Variants in CSF1R observed in about 807,000 individuals in gnomAD.
CSF1R encodes the protein colony stimulating factor 1 receptor, also known as macrophage colony-stimulating factor 1 receptor.
In CSF1R, 40 loss-of-function variants were observed where a neutral mutation model predicts 110.0. The observed-to-expected ratio is 0.36, with a 90% confidence interval of 0.28 to 0.47. CSF1R has a LOEUF of 0.47. Ranked by LOEUF, CSF1R falls within the 20% of genes least tolerant of loss-of-function variation. The pLI is 0.99. For synonymous variants in CSF1R, 523 were observed against 503.4 expected (o/e 1.04, Z -0.52); for missense variants, 1,052 against 1,253.0 (o/e 0.84, Z 2.42).
In CSF1R at chr5:150,073,460, T is replaced by G; in HGVS notation, c.923A>C (p.Asn308Thr). The stretch of plus-strand genomic sequence containing the variant: ...CCCCACGGTCACCTCCTGGATGAGG[T>G]TCTGCTCAGAGCTCAAGTTCAAGTA... ...SAYLNLSSEQ[N>T]LIQEVTVGEG... Residue 308 changes from asparagine to threonine, a missense_variant, in exon 6 of 21, where the codon AAC becomes ACC. Coordinates refer to ENST00000675795, the MANE Select transcript of CSF1R (RefSeq NM_001288705.3). 1.9e-6 allele frequency: 3 copies of G among 1,613,900 alleles called. No homozygotes were observed. Among genetic ancestry groups the G allele is most frequent in the Non-Finnish European group, 2.5e-6 (3 of 1,179,940 alleles).
chr5:150,066,598 G>A (rs909231538), intron 10 of CSF1R, among the ~76,000 whole-genome samples: 5 of 152,198 alleles, frequency 3.3e-5, no homozygotes, highest in East Asian at 1.9e-4. Flanking sequence ...GGTATTGACC[G>A]GGGCTGCCCT....
At position 150,060,958 on chromosome 5, in the gene CSF1R, C is replaced by G; in HGVS notation, c.1873G>C (p.Asp625His). Residue 625 changes from aspartate (D) to histidine (H), a missense_variant, in exon 13 of 21, where the codon GAT becomes CAT. Asp to His is a moderately conservative substitution (Grantham distance 81). This residue lies in a region of CSF1R where 76 missense variants were observed against 133.6 expected (regional missense o/e 0.57). Coordinates refer to ENST00000675795, the MANE Select transcript of CSF1R (RefSeq NM_001288705.3). Reference protein sequence around the residue: ...VKMLKSTAHADEKEALMSELK... With the variant: ...VKMLKSTAHAHEKEALMSELK... ...TCGGACATGAGGGCCTCCTTCTCAT[C>G]AGCATGGGCCGTGGCTGGGAGGAAG... 1 of 1,602,354 alleles carries G rather than the reference C, an allele frequency of 6.2e-7. No homozygotes were observed.
At position 150,061,812 on chromosome 5, in the gene CSF1R, C is replaced by T. The variant is rs2113792944; in HGVS notation, c.1664G>A (p.Ser555Asn). 6.2e-7 allele frequency: 1 copy of T among 1,614,220 alleles called. No homozygotes were observed. Among genetic ancestry groups the T allele is most frequent in the Non-Finnish European group, 8.5e-7 (1 of 1,180,036 alleles). Residue 555 changes from serine to asparagine, a missense_variant, in exon 11 of 21, where the codon AGC (serine) becomes AAC (asparagine). Transcript: ENST00000675795. ...GAAAGTATAACTGTTGCCCTCATAG[C>T]TCTCGATGATCTTCCAGCGGACCTG... is the stretch of plus-strand genomic sequence containing the variant. ...KYQVRWKIIE[S>N]YEGNSYTFID...
chr5:150,100,728 C>A (rs1313271630), intron 1 of CSF1R, among the ~76,000 whole-genome samples: 1 of 151,980 alleles, frequency 6.6e-6, no homozygotes, highest in Non-Finnish European at 1.5e-5. Context: ...TACTCCCTGG[C>A]AGGCATACGT....
intron 1 of CSF1R, among the ~76,000 whole-genome samples, chr5:150,081,561 C>T (rs1758545120): frequency 6.6e-6 from 1 of 152,178 alleles, no homozygotes; most frequent in Non-Finnish European, 1.5e-5. Flanking sequence ...GACATCTGGT[C>T]TGCAGCACAG....
At chr5:150,074,306 T>TTTTG (rs1491506856) in intron 5 of CSF1R, among the ~76,000 whole-genome samples, 11 of 63,224 alleles carry the variant, frequency 1.7e-4, no homozygotes, top group African/African-American at 1.0e-3. Context: ...TCCTGACTAG[T>TTTTG]TTTTTTTTTT....
Position 150,086,413 on chromosome 5 carries a change from A to C in CSF1R, c.15T>G (p.Val5=). Reference sequence around the variant, plus strand: ...CTGTGGCCACCAGCAGGAGCAGCAGAACTCCTGGGCCCATGGCCTCGGTGG... The same window carrying C: ...CTGTGGCCACCAGCAGGAGCAGCAGCACTCCTGGGCCCATGGCCTCGGTGG... MGPG[V]LLLLLVATAW... is the part of the protein sequence containing the mutation. Residue 5 remains valine, a synonymous_variant, in exon 1 of 21, where the codon GTT becomes GTG. Transcript: ENST00000675795. 6.2e-7 allele frequency: 1 copy of C among 1,610,688 alleles called. No homozygotes were observed. The highest frequency in any genetic ancestry group is 1.1e-5 in the South Asian group (1 of 89,802).
At chr5:150,069,269 T>C (rs1301981634) in intron 9 of CSF1R, among the ~76,000 whole-genome samples, 1 of 152,200 alleles carries the variant, frequency 6.6e-6, no homozygotes, top group Non-Finnish European at 1.5e-5. Flanking sequence ...CTGAGGATGC[T>C]GTGGGCCTCT....
chr5:150,068,721 T>G (rs1239902502), intron 9 of CSF1R, among the ~76,000 whole-genome samples: 1 of 152,074 alleles, frequency 6.6e-6, no homozygotes, highest in East Asian at 1.9e-4. Flanking sequence ...CTTCTGGAGG[T>G]CACACTGCAA....
At chr5:150,066,525 G>A (rs1348550256) in intron 10 of CSF1R, among the ~76,000 whole-genome samples, 1 of 152,210 alleles carries the variant, frequency 6.6e-6, no homozygotes, top group African/African-American at 2.4e-5. Context: ...AAGGCCCAGA[G>A]AGGACAGCGA....
At position 150,073,558 on chromosome 5, in the gene CSF1R, T is replaced by C. The variant is rs1758123395; in HGVS notation, c.890-65A>G. ...AGATGTCCTTGTTTATTTGTCCATT[T>C]TGTCATCCACCCATTGATCCAGTCC... On this transcript the variant is annotated intron_variant, in intron 5 of 20. Transcript: ENST00000675795. 28 of 1,539,156 alleles carry C rather than the reference T, an allele frequency of 1.8e-5. No individual in the cohort carries two copies. The South Asian group carries it at 3.3e-4, about 18-fold the overall frequency.
At chr5:150,093,138 G>C (rs1487989303) in intron 1 of CSF1R, among the ~76,000 whole-genome samples, 2 of 152,124 alleles carry the variant, frequency 1.3e-5, no homozygotes, top group Non-Finnish European at 2.9e-5. Context: ...GAGGGCAGTG[G>C]CGTGATCTTG....
chr5:150,108,582 A>C (rs1759619869), intron 1 of CSF1R, among the ~76,000 whole-genome samples: 1 of 152,218 alleles, frequency 6.6e-6, no homozygotes, highest in African/African-American at 2.4e-5. Context: ...AATGAAAAAG[A>C]AAAATTTTCA....
At chr5:150,072,112 A>C (rs1758056891) in intron 6 of CSF1R, among the ~76,000 whole-genome samples, 1 of 152,240 alleles carries the variant, frequency 6.6e-6, no homozygotes, top group Non-Finnish European at 1.5e-5. Context: ...AGAGTTGCAG[A>C]AACAAGAATG....
Position 150,061,825 on chromosome 5 carries a change from T to C in CSF1R, c.1651A>G (p.Lys551Glu), listed in dbSNP as rs1192985347. ...TTGCCCTCATAGCTCTCGATGATCT[T>C]CCAGCGGACCTGGTACTTGGGCTTC... ...KQKPKYQVRW[K>E]IIESYEGNSY... The change falls in exon 11 of 21, where the codon AAG becomes GAG. Residue 551 changes from lysine to glutamate, a missense_variant. Lys to Glu is a moderately conservative substitution (Grantham distance 56). This residue lies in a region of CSF1R where 693 missense variants were observed against 735.4 expected (regional missense o/e 0.94). Transcript: ENST00000675795. 6.2e-7 allele frequency: 1 copy of C among 1,614,076 alleles called. No homozygotes were observed. Among genetic ancestry groups the C allele is most frequent in the Non-Finnish European group, 8.5e-7 (1 of 1,180,038 alleles).
intron 18 of CSF1R, among the ~76,000 whole-genome samples, chr5:150,055,782 G>GGGTAACA (rs1385084425): frequency 3.9e-5 from 6 of 152,242 alleles, no homozygotes; most frequent in Admixed American, 6.5e-5. Context: ...TGACAAAGGA[G>GGGTAACA]GGTAACAGGT....
intron 1 of CSF1R, among the ~76,000 whole-genome samples, chr5:150,095,853 A>G (rs1189436008): frequency 6.6e-6 from 1 of 152,128 alleles, no homozygotes; most frequent in Non-Finnish European, 1.5e-5. Flanking sequence ...CACTAAAAGA[A>G]TAATAAGGGA....
intron 6 of CSF1R, among the ~76,000 whole-genome samples, chr5:150,072,047 T>A (rs1334767440): frequency 6.6e-6 from 1 of 152,214 alleles, no homozygotes; most frequent in Non-Finnish European, 1.5e-5. Flanking sequence ...CTGGAAATAC[T>A]GCCTGGGACC....
intron 5 of CSF1R, chr5:150,077,063 A>G: frequency 1.6e-6 from 1 of 643,732 alleles, no homozygotes; most frequent in South Asian, 1.8e-5. Context: ...GCAGCCATGC[A>G]CTGTAAGAGC....
Sources: allele counts gnomAD v4.1 joint callset (sites outside exome capture counted in the v4.1 genomes callset), GRCh38; gene constraint gnomAD v4.1.1; regional missense constraint gnomAD v4.1.1; transcripts MANE v1.5; gene names NCBI Gene and HGNC (gene_info 2026-07-23, HGNC 2026-07-21).